Variants in TMEM132B observed in about 807,000 individuals in gnomAD.
TMEM132B encodes transmembrane protein 132B.
In TMEM132B, 18 loss-of-function variants were observed where a neutral mutation model predicts 90.8. The ratio of observed to expected loss-of-function variants is 0.20; its 90% confidence interval spans 0.14 to 0.29. TMEM132B has a LOEUF of 0.29. Ranked by LOEUF, TMEM132B falls within the 10% of genes least tolerant of loss-of-function variation. The pLI is 1.00. For synonymous variants in TMEM132B, 504 were observed against 523.3 expected, an observed-to-expected ratio of 0.96 and a Z score of 0.50; for missense variants, 1,096 against 1,326.8, an observed-to-expected ratio of 0.83 and a Z score of 2.70.
chr12:125,278,039 C>T (rs924893953), intron 1 of TMEM132B, among the ~76,000 whole-genome samples: 4 of 152,258 alleles, frequency 2.6e-5, no homozygotes, highest in East Asian at 3.9e-4. Context: ...AGCTTGCAGC[C>T]GCTTGTTTCG....
intron 2 of TMEM132B, among the ~76,000 whole-genome samples, chr12:125,354,421 A>AC (rs1181731609): frequency 1.3e-5 from 2 of 152,038 alleles, no homozygotes; most frequent in African/African-American, 4.8e-5. Context: ...GTTGTAGTTC[A>AC]CCCCCTTTAG....
intron 1 of TMEM132B, among the ~76,000 whole-genome samples, chr12:125,345,738 T>A (rs1877336350): frequency 6.6e-6 from 1 of 152,166 alleles, no homozygotes; most frequent in Non-Finnish European, 1.5e-5. Context: ...TGAGAAGTTC[T>A]TTTCAGCTGG....
intron 1 of TMEM132B, among the ~76,000 whole-genome samples, chr12:125,275,796 CT>C (rs1253915132): frequency 7.2e-5 from 11 of 152,240 alleles, no homozygotes; most frequent in South Asian, 2.1e-4. Flanking sequence ...TCACTGCAGC[CT>C]TGACCTCCTG....
At position 125,390,578 on chromosome 12, in the gene TMEM132B, T is replaced by G. The variant is rs1402223395; in HGVS notation, c.960-24953T>G. Among the ~76,000 whole-genome samples, 5 of 152,250 alleles carry G rather than the reference T, an allele frequency of 3.3e-5. No individual in the cohort carries two copies. In the East Asian group the frequency reaches 7.7e-4, roughly 23 times the overall value. ...ATAAAATACAGCAGACATGAGGTTGTGTGACATCTGAGACCAAGATGTAAA... is the reference window on the plus strand; with the variant it reads ...ATAAAATACAGCAGACATGAGGTTGGGTGACATCTGAGACCAAGATGTAAA... On this transcript the variant is annotated intron_variant, in intron 2 of 8. Coordinates refer to ENST00000682704, the MANE Select transcript of TMEM132B (RefSeq NM_001366854.1).
chr12:125,225,880 T>A (rs1402276952), intron 1 of TMEM132B, among the ~76,000 whole-genome samples: 1 of 152,172 alleles, frequency 6.6e-6, no homozygotes, highest in Non-Finnish European at 1.5e-5. Context: ...CTGGGAAATG[T>A]AGTCCACCTG....
chr12:125,289,600 T>G (rs1875475433), intron 1 of TMEM132B, among the ~76,000 whole-genome samples: 1 of 152,222 alleles, frequency 6.6e-6, no homozygotes, highest in Non-Finnish European at 1.5e-5. Context: ...GTGGCATGGA[T>G]CACACACCTG....
rs1459242743 is a variant in TMEM132B, at chr12:125,490,115, A to G, written c.1107-29324A>G. On this transcript the variant is annotated intron_variant, in intron 3 of 8. Coordinates refer to ENST00000682704, the MANE Select transcript of TMEM132B (RefSeq NM_001366854.1). The surrounding 1 kb of genome is among the most constrained non-coding windows in gnomAD (Gnocchi z 4.2). ...AGATTAACTCTGTAAAGAATGCTAA[A>G]TGGTTTTCCTTGCCTCTTAGTAGTA... Among the ~76,000 whole-genome samples, 1 of 152,250 alleles carries G rather than the reference A, an allele frequency of 6.6e-6. No homozygotes were observed. Among genetic ancestry groups the G allele is most frequent in the Non-Finnish European group, 1.5e-5 (1 of 68,044 alleles).
At chr12:125,554,317 T>C (rs781409075) in intron 4 of TMEM132B, among the ~76,000 whole-genome samples, 7 of 149,952 alleles carry the variant, frequency 4.7e-5, no homozygotes, top group Non-Finnish European at 5.9e-5. Flanking sequence ...CCCAGCTACT[T>C]GGGAGGCTGA....
intron 1 of TMEM132B, among the ~76,000 whole-genome samples, chr12:125,236,407 T>C (rs1256126226): frequency 1.3e-5 from 2 of 152,212 alleles, no homozygotes; most frequent in African/African-American, 4.8e-5. Flanking sequence ...TCCACATACC[T>C]TGGCCTCCCA....
At chr12:125,472,793 G>T (rs1360261131) in intron 3 of TMEM132B, among the ~76,000 whole-genome samples, 1 of 152,138 alleles carries the variant, frequency 6.6e-6, no homozygotes, top group East Asian at 1.9e-4. Flanking sequence ...AAGTCTACTG[G>T]TGCCTTGATC....
Position 125,652,448 on chromosome 12 carries a change from C to G in TMEM132B, c.1922C>G (p.Ser641Trp), listed in dbSNP as rs1384211745. The stretch of plus-strand genomic sequence containing the variant: ...TCCTCGCTGACTTTTCAGGTCCTCT[C>G]GCCGTTGTCTGACTCCATCCTGGCT... ...EPGITTVQVL[S>W]PLSDSILAEK... The change falls in exon 8 of 9, where the codon TCG becomes TGG. Residue 641 changes from serine (S) to tryptophan (W), a missense_variant. Ser to Trp is a radical substitution (Grantham distance 177). Coordinates refer to ENST00000682704, the MANE Select transcript of TMEM132B (RefSeq NM_001366854.1). 9 of 1,601,416 alleles carry G rather than the reference C, an allele frequency of 5.6e-6. No individual in the cohort carries two copies. Among genetic ancestry groups the G allele is most frequent in the Non-Finnish European group, 7.7e-6 (9 of 1,173,060 alleles).
At chr12:125,423,615 T>C (rs1880232025) in intron 3 of TMEM132B, among the ~76,000 whole-genome samples, 3 of 152,210 alleles carry the variant, frequency 2.0e-5, no homozygotes, top group South Asian at 2.1e-4. Flanking sequence ...ATCTTAAGTA[T>C]AACAAAAGGC....
At chr12:125,566,824 C>CTCTTCT (rs768811102) in intron 4 of TMEM132B, among the ~76,000 whole-genome samples, 2 of 142,118 alleles carry the variant, frequency 1.4e-5, no homozygotes, top group Non-Finnish European at 3.0e-5. Context: ...CTTCTTCTTC[C>CTCTTCT]TCTTCTTCTT....
At chr12:125,629,503 T>C (rs1886307973) in intron 5 of TMEM132B, among the ~76,000 whole-genome samples, 1 of 152,194 alleles carries the variant, frequency 6.6e-6, no homozygotes. Flanking sequence ...CCTGCAATGT[T>C]ACTGGATTTG....
rs1317245036 is a variant in TMEM132B at position 125,349,437 on chromosome 12, T to C, written c.68-15T>C. The C allele has an allele frequency of 6.3e-7, 1 of 1,584,362 alleles. No homozygotes were observed. The highest frequency in any genetic ancestry group is 1.2e-5 in the South Asian group (1 of 85,994). On this transcript the variant is annotated splice_polypyrimidine_tract_variant and intron_variant, in intron 1 of 8. Transcript: ENST00000682704. The surrounding 1 kb of genome is among the most constrained non-coding windows in gnomAD (Gnocchi z 4.1). Reference sequence around the variant, plus strand: ...AGAACACGGTTTTATTCTTTTGCTTTCCTTTCTTGTGCAGTGACAGAGAGT... The same window carrying C: ...AGAACACGGTTTTATTCTTTTGCTTCCCTTTCTTGTGCAGTGACAGAGAGT...
chr12:125,264,604 AG>A (rs1874643567), intron 1 of TMEM132B, among the ~76,000 whole-genome samples: 1 of 152,184 alleles, frequency 6.6e-6, no homozygotes, highest in Non-Finnish European at 1.5e-5. Flanking sequence ...TCAGGTCTTT[AG>A]GGGTCTCAGA....
intron 1 of TMEM132B, among the ~76,000 whole-genome samples, chr12:125,243,030 TATACAC>T (rs1468219382): frequency 4.3e-5 from 6 of 139,502 alleles, no homozygotes; most frequent in African/African-American, 1.3e-4. Context: ...TATATATATA[TATACAC>T]ACACACACAC....
intron 5 of TMEM132B, among the ~76,000 whole-genome samples, chr12:125,623,545 A>T (rs983077147): frequency 2.6e-5 from 4 of 152,082 alleles, no homozygotes; most frequent in African/African-American, 4.8e-5. Context: ...TATGGGGGTC[A>T]TTGAGGCCTG....
chr12:125,651,020 G>A, intron 7 of TMEM132B, 67 bp downstream of exon 7: 1 of 1,576,940 alleles, frequency 6.3e-7, no homozygotes, highest in Non-Finnish European at 8.6e-7. Context: ...ATGCTGTTGT[G>A]CAGATGTGTG....
Sources: gnomAD v4.1 joint callset for allele counts (sites outside exome capture counted in the v4.1 genomes callset) on GRCh38, gnomAD v4.1.1 for gene constraint, Gnocchi (gnomAD v3.1) non-coding constraint, MANE v1.5 for transcripts, NCBI Gene and HGNC (gene_info 2026-07-23, HGNC 2026-07-21) for gene names.